The following NPAS3 variants were observed in gnomAD, a reference collection of about 807,000 sequenced individuals.
NPAS3 encodes neuronal PAS domain protein 3, also known as neuronal PAS domain-containing protein 3.
In NPAS3, 14 loss-of-function variants were observed where a neutral mutation model predicts 73.1. The observed-to-expected ratio is 0.19, with a 90% CI of 0.13 to 0.30. NPAS3 has a LOEUF of 0.30. Among genes scored for constraint, NPAS3 ranks in the 10% least tolerant of loss-of-function variants. NPAS3 has a pLI of 1.00. For synonymous variants in NPAS3, 620 were observed against 541.5 expected, an observed-to-expected ratio of 1.14 and a Z score of -2.01; for missense variants, 1,096 against 1,250.0, an observed-to-expected ratio of 0.88 and a Z score of 1.86.
chr14:33,285,919 A>G (rs1271092019), intron 3 of NPAS3, among the ~76,000 whole-genome samples: 1 of 152,212 alleles, frequency 6.6e-6, no homozygotes, highest in African/African-American at 2.4e-5. Flanking sequence ...GCACTCTGCC[A>G]GGAGCACGAG....
chr14:33,198,843 T>C (rs2046490280), intron 2 of NPAS3, among the ~76,000 whole-genome samples: 1 of 152,142 alleles, frequency 6.6e-6, no homozygotes, highest in African/African-American at 2.4e-5. Context: ...TGGGGGAGCT[T>C]GGGCATGGCA....
intron 2 of NPAS3, among the ~76,000 whole-genome samples, chr14:33,086,706 A>G (rs1349734534): frequency 6.6e-6 from 1 of 152,066 alleles, no homozygotes. Flanking sequence ...ATTTCTTGTC[A>G]TTTTCTTCCA....
chr14:33,781,268 G>C (rs1003493742), intron 9 of NPAS3, among the ~76,000 whole-genome samples: 1 of 152,188 alleles, frequency 6.6e-6, no homozygotes, highest in Non-Finnish European at 1.5e-5. Context: ...TTTGCATTCT[G>C]TGACTGAAAT....
chr14:33,594,650 T>C (rs762713248), intron 5 of NPAS3, among the ~76,000 whole-genome samples: 11 of 152,240 alleles, frequency 7.2e-5, no homozygotes, highest in Non-Finnish European at 1.5e-4. Flanking sequence ...TGATGCTCTT[T>C]AGTTCTCAGC....
chr14:33,073,316 C>G lies in NPAS3; in HGVS notation c.140+17322C>G, dbSNP rs556148401. Among the ~76,000 whole-genome samples the G allele has an allele frequency of 6.6e-5, 10 of 152,276 alleles. No homozygotes were observed. In the East Asian group the frequency reaches 1.9e-3, roughly 29 times the overall value. On this transcript the variant is annotated intron_variant, in intron 2 of 11. Transcript: ENST00000356141. Reference sequence around the variant, plus strand: ...TTAATAAATATTTAGTGAATGCCTACTAAGTTCCAGTTCCTATAGCATAGA... The same window carrying G: ...TTAATAAATATTTAGTGAATGCCTAGTAAGTTCCAGTTCCTATAGCATAGA...
At chr14:33,452,493 C>A (rs1209556474) in intron 4 of NPAS3, among the ~76,000 whole-genome samples, 1 of 152,018 alleles carries the variant, frequency 6.6e-6, no homozygotes, top group Non-Finnish European at 1.5e-5. Flanking sequence ...CAAGTCATGG[C>A]CGGGCGTGTT....
At chr14:33,677,540 T>A (rs907135708) in intron 6 of NPAS3, among the ~76,000 whole-genome samples, 3 of 152,132 alleles carry the variant, frequency 2.0e-5, no homozygotes, top group African/African-American at 7.2e-5. Flanking sequence ...AGATTAACAT[T>A]AAAATAACTC....
intron 4 of NPAS3, among the ~76,000 whole-genome samples, chr14:33,381,723 T>A (rs1002369137): frequency 9.2e-5 from 14 of 152,244 alleles, no homozygotes; most frequent in African/African-American, 3.1e-4. Context: ...TGACATACTT[T>A]AAGCTGTGGT....
At chr14:33,422,306 G>A (rs2048387404) in intron 4 of NPAS3, among the ~76,000 whole-genome samples, 1 of 151,902 alleles carries the variant, frequency 6.6e-6, no homozygotes, top group Non-Finnish European at 1.5e-5. Context: ...TGTTGTAGGG[G>A]ATAGGTAAAG....
At chr14:33,274,680 A>T (rs2041247655) in intron 3 of NPAS3, among the ~76,000 whole-genome samples, 1 of 152,174 alleles carries the variant, frequency 6.6e-6, no homozygotes, top group African/African-American at 2.4e-5. Context: ...TCAGTTGCAT[A>T]AATGATATAG....
chr14:33,391,150 G>A (rs975398528), intron 4 of NPAS3, among the ~76,000 whole-genome samples: 9 of 146,012 alleles, frequency 6.2e-5, no homozygotes, highest in African/African-American at 2.2e-4. Flanking sequence ...GACAATAATA[G>A]ACATTTAAAC....
At chr14:33,591,388 TAG>T (rs1403588293) in intron 5 of NPAS3, among the ~76,000 whole-genome samples, 2 of 152,178 alleles carry the variant, frequency 1.3e-5, no homozygotes, top group African/African-American at 4.8e-5. Flanking sequence ...CTGGTTGGAC[TAG>T]AGAGTGGAAA....
At chr14:33,757,357 G>A (rs1389280586) in intron 7 of NPAS3, among the ~76,000 whole-genome samples, 4 of 152,204 alleles carry the variant, frequency 2.6e-5, no homozygotes, top group African/African-American at 9.6e-5. Flanking sequence ...CAGGGATGAA[G>A]AGGATGGTCA....
rs939455916 is a variant in NPAS3, at chr14:33,156,667, A to T, written c.141-58515A>T. Among the ~76,000 whole-genome samples, 17 of 152,316 alleles carry T rather than the reference A, an allele frequency of 1.1e-4. No homozygotes were observed. The East Asian group carries it at 3.1e-3, about 28-fold the overall frequency. On this transcript the variant is annotated intron_variant, in intron 2 of 11. Transcript: ENST00000356141. ...AATAGATTTCAATTAAATTCCTTCC[A>T]TGTTTTCTAGAAAGAAATGGATTAT...
chr14:33,185,699 G>A (rs2045951755), intron 2 of NPAS3, among the ~76,000 whole-genome samples: 1 of 152,138 alleles, frequency 6.6e-6, no homozygotes, highest in African/African-American at 2.4e-5. Context: ...TCTCATGTAA[G>A]GAGTTTAGTG....
intron 4 of NPAS3, among the ~76,000 whole-genome samples, chr14:33,490,046 A>G (rs755897105): frequency 3.3e-5 from 5 of 152,140 alleles, no homozygotes; most frequent in East Asian, 1.9e-4. Flanking sequence ...GCTTTGCTCT[A>G]TCATATTCAT....
At chr14:32,990,175 T>A (rs915156182) in intron 1 of NPAS3, among the ~76,000 whole-genome samples, 1 of 152,170 alleles carries the variant, frequency 6.6e-6, no homozygotes, top group Non-Finnish European at 1.5e-5. Context: ...CATGAAAACG[T>A]GAAATGGCAG....
chr14:33,707,787 G>A (rs1275606503), intron 6 of NPAS3, among the ~76,000 whole-genome samples: 1 of 152,154 alleles, frequency 6.6e-6, no homozygotes, highest in Non-Finnish European at 1.5e-5. Context: ...AAAGAGGCCT[G>A]GAGGAAAGGC....
intron 4 of NPAS3, among the ~76,000 whole-genome samples, chr14:33,401,566 T>G (rs2047446394): frequency 6.6e-6 from 1 of 151,882 alleles, no homozygotes; most frequent in South Asian, 2.1e-4. Context: ...TTTGATTGTC[T>G]TTCCTTCCTC....
Sources: gnomAD v4.1 joint callset for allele counts (sites outside exome capture counted in the v4.1 genomes callset) on GRCh38, gnomAD v4.1.1 for gene constraint, MANE v1.5 for transcripts, NCBI Gene and HGNC (gene_info 2026-07-23, HGNC 2026-07-21) for gene names.